Variants in PDE4C observed in about 807,000 individuals in gnomAD.
The protein encoded by PDE4C is 3',5'-cyclic-AMP phosphodiesterase 4C.
Under a neutral mutation model 63.9 loss-of-function variants are expected in PDE4C, and 50 were observed. That is an observed-to-expected ratio of 0.78 (90% confidence interval 0.62 to 0.99). The LOEUF (loss-of-function observed/expected upper bound fraction) is 0.99, where lower values mean the gene tolerates loss of function less well. Among genes scored for constraint, PDE4C ranks in the 50% least tolerant of loss-of-function variants. The pLI is 0.00. For missense variants in PDE4C, 777 were observed against 899.1 expected, an observed-to-expected ratio of 0.86 and a Z score of 1.74; for synonymous variants, 377 against 385.1, an observed-to-expected ratio of 0.98 and a Z score of 0.25.
In PDE4C at chr19:18,218,429, C is replaced by G. The variant is rs1224584180; in HGVS notation, c.1039G>C (p.Gly347Arg). Residue 347 changes from glycine to arginine, a missense_variant, in exon 10 of 15, where the codon GGT becomes CGT. By Grantham distance (125) the Gly-to-Arg change is moderately radical. Around this residue, in one of 3 missense-constraint regions of PDE4C, gnomAD observed 500 missense variants for 597.8 expected, o/e 0.84. Coordinates refer to ENST00000262805, the Ensembl canonical transcript of PDE4C. Reference sequence around the variant, plus strand: ...TAGGCCACATTGGCGTGGTAGTGACCTTCCAGCATCAGCAGGTAGGTGGCC... The same window carrying G: ...TAGGCCACATTGGCGTGGTAGTGACGTTCCAGCATCAGCAGGTAGGTGGCC... The G allele has an allele frequency of 5.6e-6, 9 of 1,614,230 alleles. No homozygotes were observed. Among genetic ancestry groups the G allele is most frequent in the Non-Finnish European group, 7.6e-6 (9 of 1,180,034 alleles).
intron 1 of PDE4C, among the ~76,000 whole-genome samples, chr19:18,245,146 TTTTGTTTGTTTG>T (rs58953650): frequency 0.61 from 90,466 of 148,436 alleles, 27,771 homozygotes; most frequent in Middle Eastern, 0.71. Context: ...GTTGTTGGTT[TTTTGTTTGTTTG>T]TTTGTTTGTT....
chr19:18,224,122 C>T, intron 1 of PDE4C: 1 of 831,580 alleles, frequency 1.2e-6, no homozygotes, highest in Non-Finnish European at 1.5e-6. Flanking sequence ...CTCCACACTA[C>T]CTGTCCCGTT....
At chr19:18,252,201 C>G, upstream of PDE4C, 1 of 398,998 alleles carries the variant, frequency 2.5e-6, no homozygotes, top group South Asian at 1.3e-4. Context: ...GAGCTCTGCA[C>G]TGGGGGAGCC....
chr19:18,248,146 A>G (rs1969163352), intron 1 of PDE4C: 1 of 456,074 alleles, frequency 2.2e-6, no homozygotes, highest in Non-Finnish European at 4.4e-6. Flanking sequence ...TTGCTCCAGG[A>G]GGCCCAGGCA....
At chr19:18,224,549 C>A (rs757136855) in intron 1 of PDE4C, 8 of 979,920 alleles carry the variant, frequency 8.2e-6, no homozygotes, top group African/African-American at 5.3e-5. Context: ...CGGCTACGTC[C>A]GATTGAGCTC....
chr19:18,227,397 C>T (rs1026056826), upstream of PDE4C, among the ~76,000 whole-genome samples: 3 of 152,160 alleles, frequency 2.0e-5, no homozygotes, highest in Admixed American at 6.5e-5. Context: ...GATGCCTTCA[C>T]CTCTCCTGCT....
rs1459658486 is a variant in PDE4C at position 18,216,799 on chromosome 19, A to G, written c.1331T>C (p.Ile444Thr). ...CTGCTTGGCGCTGAGGTTCTGGAAG[A>G]TATCGCAGTTCTCTGCCTGCAGCAG... Residue 444 changes from isoleucine to threonine, a missense_variant, in exon 12 of 15, where the codon ATC becomes ACC. Physicochemically the swap from Ile to Thr is moderately conservative, Grantham distance 89. Coordinates refer to ENST00000262805, the Ensembl canonical transcript of PDE4C. 6 of 1,613,950 alleles carry G rather than the reference A, an allele frequency of 3.7e-6. No homozygotes were observed. In the South Asian group the frequency reaches 6.6e-5, roughly 18 times the overall value.
At chr19:18,250,797 AGG>A (rs1478425829), upstream of PDE4C, among the ~76,000 whole-genome samples, 1 of 146,238 alleles carries the variant, frequency 6.8e-6, no homozygotes, top group African/African-American at 2.6e-5. Flanking sequence ...TTTTTGAGAC[AGG>A]GTCTTGCTCT....
In PDE4C at chr19:18,219,059, G is replaced by A. The variant is rs750025552; in HGVS notation, c.871-21C>T. 5.0e-6 allele frequency: 8 copies of A among 1,601,388 alleles called. No individual in the cohort carries two copies. In the East Asian group the frequency reaches 1.8e-4, roughly 36 times the overall value. ...AGCTCCTAAGATATGAAGGGCTGAA[G>A]CTTAATTAACCCCAGCCCAACTTCC... On this transcript the variant is annotated intron_variant, in intron 8 of 14. Transcript: ENST00000262805.
At chr19:18,250,317 A>G (rs1969216992), upstream of PDE4C, 1 of 399,104 alleles carries the variant, frequency 2.5e-6, no homozygotes. Flanking sequence ...CTTACCATGG[A>G]CACCTCGTCC....
At position 18,220,928 on chromosome 19, in the gene PDE4C, G is replaced by A. The variant is rs889601186; in HGVS notation, c.450-5C>T. The A allele has an allele frequency of 1.2e-6, 2 of 1,601,628 alleles. No individual in the cohort carries two copies. Among genetic ancestry groups the A allele is most frequent in the Non-Finnish European group, 1.7e-6 (2 of 1,175,676 alleles). ...GGGTTTCCGACGGGTCCCTGCCTGC[G>A]GTACAGCAGCCTCAGGCGTGGCTGC... On this transcript the variant is annotated splice_polypyrimidine_tract_variant and splice_region_variant and intron_variant, in intron 4 of 14. Transcript: ENST00000262805. This position sits in a 1 kb window ranked among gnomAD's most constrained non-coding sequence, Gnocchi z 5.1.
At chr19:18,228,365 T>C (rs974259137), upstream of PDE4C, among the ~76,000 whole-genome samples, 4 of 152,016 alleles carry the variant, frequency 2.6e-5, no homozygotes, top group South Asian at 2.1e-4. Context: ...GGAAAAGTCA[T>C]TGGATTTTCA....
chr19:18,216,928 C>T (rs1968225323), intron 11 of PDE4C, 33 bp from the exon 12 acceptor site: 1 of 1,557,406 alleles, frequency 6.4e-7, no homozygotes, highest in Non-Finnish European at 8.7e-7. Flanking sequence ...GCCCCAAGAT[C>T]CACCCGCCCC....
upstream of PDE4C, chr19:18,252,147 G>A (rs1334971070): frequency 1.0e-5 from 4 of 399,376 alleles, no homozygotes; most frequent in Non-Finnish European, 1.8e-5. Flanking sequence ...CCAGTGCGGG[G>A]TCAGGGATTC....
intron 4 of PDE4C, 56 bp downstream of exon 4, chr19:18,221,049 T>TCCGCCAGGCCCCGCCTCACC: frequency 3.2e-6 from 4 of 1,239,966 alleles, no homozygotes; most frequent in Middle Eastern, 2.6e-4. Flanking sequence ...CAGCCCGCTT[T>TCCGCCAGGCCCCGCCTCACC]CCGCCCACCT....
upstream of PDE4C, among the ~76,000 whole-genome samples, chr19:18,250,773 ATT>A (rs571142608): frequency 0.026 from 3,201 of 124,488 alleles, 110 homozygotes; most frequent in African/African-American, 0.088. Flanking sequence ...TGCCTGGACA[ATT>A]TTTTTTTTTT....
chr19:18,226,211 C>G lies in PDE4C; in HGVS notation c.146+59G>C, dbSNP rs1002044878. 4 of 1,416,374 alleles carry G rather than the reference C, an allele frequency of 2.8e-6. 1 individual carries two copies. The Admixed American group carries it at 5.9e-5, about 21-fold the overall frequency. The allele number at this position is 1,416,374 out of a possible 1,614,324, so 87.7% of individuals were successfully genotyped here. ...CCCTGGCCTTGTCCCTGTCCCTGCCCTTCCCACCTCCACACCGGGCGTCCC... is the reference window on the plus strand; with the variant it reads ...CCCTGGCCTTGTCCCTGTCCCTGCCGTTCCCACCTCCACACCGGGCGTCCC... On this transcript the variant is annotated intron_variant, in intron 1 of 14. Transcript: ENST00000262805.
In PDE4C at chr19:18,214,948, CAAAAAAAAA is replaced by C. The variant is rs34534126; in HGVS notation, c.1390-1467_1390-1459del. Reference sequence around the variant, plus strand: ...TGAGTGACAGAGCAAGACTCCATTTCAAAAAAAAAAAAAAAAAAAACTTAACCCACCCAT... The same window carrying C: ...TGAGTGACAGAGCAAGACTCCATTTCAAAAAAAAAAACTTAACCCACCCAT... On this transcript the variant is annotated intron_variant, in intron 12 of 14. Coordinates refer to ENST00000262805, the Ensembl canonical transcript of PDE4C. 2.9e-5 allele frequency among the ~76,000 whole-genome samples: 3 copies of C among 102,350 alleles called. No homozygotes were observed. The South Asian group carries it at 1.1e-3, about 37-fold the overall frequency. The allele number at this position is 102,350 out of a possible 152,430, so 67.1% of individuals were successfully genotyped here. A position where few individuals can be genotyped will look rare whatever the true frequency, so the allele number is the denominator to read the frequency against.
At chr19:18,218,789 C>T in intron 9 of PDE4C, 151 bp downstream of exon 9, 1 of 747,846 alleles carries the variant, frequency 1.3e-6, no homozygotes, top group South Asian at 1.5e-5. Flanking sequence ...TCTGAGTGAA[C>T]TCCTATTCAT....
Sources: allele counts gnomAD v4.1 joint callset (sites outside exome capture counted in the v4.1 genomes callset), GRCh38; gene constraint gnomAD v4.1.1; regional missense constraint gnomAD v4.1.1; non-coding constraint Gnocchi (gnomAD v3.1); transcripts MANE v1.5; gene names NCBI Gene and HGNC (gene_info 2026-07-23, HGNC 2026-07-21).